GRB10: variants seen among roughly 807,000 people sequenced by gnomAD.
The protein encoded by GRB10 is growth factor receptor bound protein 10.
GRB10 carries 20 observed loss-of-function variants against 80.9 expected under a neutral mutation model. The observed-to-expected ratio is 0.25, with a 90% CI of 0.17 to 0.36. The LOEUF is 0.36. GRB10 is among the 10% of genes least tolerant of loss of function. GRB10 has a pLI of 1.00. For synonymous variants in GRB10, 291 were observed against 291.5 expected, an observed-to-expected ratio of 1.00 and a Z score of 0.02; for missense variants, 548 against 747.7, an observed-to-expected ratio of 0.73 and a Z score of 3.12.
intron 17 of GRB10, among the ~76,000 whole-genome samples, chr7:50,599,941 C>T (rs949273451): frequency 4.6e-5 from 7 of 152,160 alleles, no homozygotes; most frequent in South Asian, 2.1e-4. Flanking sequence ...CTGCCACACC[C>T]GCCCCCAAGG....
At chr7:50,673,135 G>T (rs1344891740) in intron 6 of GRB10, among the ~76,000 whole-genome samples, 1 of 152,158 alleles carries the variant, frequency 6.6e-6, no homozygotes, top group Non-Finnish European at 1.5e-5. Flanking sequence ...CTAGAAGCAA[G>T]AAGAGCCCAG....
intron 2 of GRB10, among the ~76,000 whole-genome samples, chr7:50,773,393 G>A (rs1293037167): frequency 4.1e-5 from 4 of 97,664 alleles, no homozygotes; most frequent in African/African-American, 1.4e-4. Context: ...AAGGGAAGGG[G>A]AAGGGAAGGG....
At chr7:50,695,030 C>T (rs999749219) in intron 5 of GRB10, among the ~76,000 whole-genome samples, 3 of 152,152 alleles carry the variant, frequency 2.0e-5, no homozygotes, top group African/African-American at 4.8e-5. Flanking sequence ...TCTCCCTCCC[C>T]GTGCCTGGGA....
intron 7 of GRB10, among the ~76,000 whole-genome samples, chr7:50,647,205 C>T (rs1268907882): frequency 6.6e-6 from 1 of 152,212 alleles, no homozygotes; most frequent in Non-Finnish European, 1.5e-5. Context: ...TGGCATCTAA[C>T]CTCAGCATTT....
At chr7:50,709,315 TGC>T (rs2065507113) in intron 4 of GRB10, among the ~76,000 whole-genome samples, 1 of 152,212 alleles carries the variant, frequency 6.6e-6, no homozygotes, top group Admixed American at 6.5e-5. Context: ...CTCCATCCTG[TGC>T]CAGGCAGTGA....
intron 17 of GRB10, among the ~76,000 whole-genome samples, chr7:50,597,838 A>G (rs2046933288): frequency 6.6e-6 from 1 of 152,140 alleles, no homozygotes; most frequent in African/African-American, 2.4e-5. Context: ...TCTCAGCCTC[A>G]ATTTCTTCAT....
intron 7 of GRB10, among the ~76,000 whole-genome samples, chr7:50,656,202 G>A (rs1188316013): frequency 6.6e-6 from 1 of 152,220 alleles, no homozygotes; most frequent in Non-Finnish European, 1.5e-5. Flanking sequence ...GGCGCGGGCT[G>A]AGCGCAGAGT....
At chr7:50,787,889 G>A (rs944263550), upstream of GRB10, among the ~76,000 whole-genome samples, 4 of 152,226 alleles carry the variant, frequency 2.6e-5, no homozygotes, top group Non-Finnish European at 4.4e-5. Flanking sequence ...TGTGGCCAGG[G>A]TGAAAAGATG....
chr7:50,758,346 T>C (rs775697108), intron 2 of GRB10, among the ~76,000 whole-genome samples: 1 of 152,214 alleles, frequency 6.6e-6, no homozygotes, highest in Non-Finnish European at 1.5e-5. Context: ...AGAGATTTCT[T>C]AGGCAGTTTC....
rs1009085768 is a variant in GRB10 at position 50,616,157 on chromosome 7, G to T, written c.984+53C>A. The T allele has an allele frequency of 2.5e-6, 4 of 1,610,530 alleles. No homozygotes were observed. In the East Asian group the frequency reaches 8.9e-5, roughly 36 times the overall value. ...GCCCAGGTTCACTCTGAGGACCTGG[G>T]GGGAGTGACTGTGGCAGAATTAGGG... On this transcript the variant is annotated intron_variant, in intron 11 of 18. Transcript: ENST00000401949.
rs1208297888 is a variant in GRB10 at position 50,683,019 on chromosome 7, G to A, written c.140-8361C>T. Among the ~76,000 whole-genome samples the A allele has an allele frequency of 3.9e-5, 6 of 152,206 alleles. No homozygotes were observed. The South Asian group carries it at 8.3e-4, about 21-fold the overall frequency. Reference sequence around the variant, plus strand: ...AAAGTAGGGACTTCAACAGATAATCGTACACCCTTGTTCACAACAGCACTA... The same window carrying A: ...AAAGTAGGGACTTCAACAGATAATCATACACCCTTGTTCACAACAGCACTA... On this transcript the variant is annotated intron_variant, in intron 5 of 18. Transcript: ENST00000401949.
intron 18 of GRB10, among the ~76,000 whole-genome samples, chr7:50,594,709 AG>A (rs2046333797): frequency 1.3e-5 from 2 of 152,228 alleles, no homozygotes; most frequent in Non-Finnish European, 2.9e-5. Context: ...GCGCTGATCT[AG>A]CACTCTAATC....
chr7:50,635,941 CTT>C (rs55836738), intron 7 of GRB10, among the ~76,000 whole-genome samples: 30,881 of 94,742 alleles, frequency 0.33, 5,706 homozygotes, highest in Middle Eastern at 0.55. Flanking sequence ...GGATCCACAG[CTT>C]TTTTTTTTTT....
At chr7:50,758,096 G>A (rs149465827) in intron 2 of GRB10, among the ~76,000 whole-genome samples, 1 of 152,152 alleles carries the variant, frequency 6.6e-6, no homozygotes, top group Non-Finnish European at 1.5e-5. Flanking sequence ...CTGATAAACT[G>A]AAGAGTTAGT....
chr7:50,600,141 C>T (rs750178744), intron 17 of GRB10, among the ~76,000 whole-genome samples: 1 of 152,194 alleles, frequency 6.6e-6, no homozygotes, highest in African/African-American at 2.4e-5. Context: ...CCCCCTAGAA[C>T]ATTCTGGGCC....
intron 3 of GRB10, among the ~76,000 whole-genome samples, chr7:50,734,514 T>A (rs1364412466): frequency 6.6e-6 from 1 of 152,118 alleles, no homozygotes; most frequent in Non-Finnish European, 1.5e-5. Flanking sequence ...GTCTCCCAGC[T>A]CATCCGTGGA....
chr7:50,606,358 C>G lies in GRB10; in HGVS notation c.1251G>C (p.Leu417=). 1.2e-6 allele frequency: 2 copies of G among 1,614,070 alleles called. No homozygotes were observed. The highest frequency in any genetic ancestry group is 1.7e-6 in the Non-Finnish European group (2 of 1,179,916). Residue 417 remains leucine, a synonymous_variant, in exon 14 of 19, where the codon CTG becomes CTC. Transcript: ENST00000401949. ...YRIPQQRKAL[L]SPFSTPVRSV... ...TTACCACTGGCGTCGAGAACGGGGA[C>G]AGCAAGGCCTTCCTCTGCTGAGGGA...
chr7:50,612,960 G>T, intron 12 of GRB10, 121 bp from the exon 13 acceptor site: 1 of 719,736 alleles, frequency 1.4e-6, no homozygotes, highest in South Asian at 1.5e-5. Flanking sequence ...CCCTAGCAAG[G>T]AGCACAGCAG....
chr7:50,655,366 T>G (rs988391404), intron 7 of GRB10, among the ~76,000 whole-genome samples: 4 of 152,226 alleles, frequency 2.6e-5, no homozygotes, highest in Non-Finnish European at 4.4e-5. Flanking sequence ...CCCTTCATTC[T>G]TTAAGCATCT....
Sources: gnomAD v4.1 joint callset for allele counts (sites outside exome capture counted in the v4.1 genomes callset) on GRCh38, gnomAD v4.1.1 for gene constraint, MANE v1.5 for transcripts, NCBI Gene and HGNC (gene_info 2026-07-23, HGNC 2026-07-21) for gene names.